ITGA8: variants seen among roughly 807,000 people sequenced by gnomAD.
The protein encoded by ITGA8 is integrin subunit alpha 8, also known as integrin alpha-8.
In ITGA8, 91 loss-of-function variants were observed where a neutral mutation model predicts 142.3. The ratio of observed to expected loss-of-function variants is 0.64; its 90% CI spans 0.54 to 0.76. The LOEUF is 0.76. Among genes scored for constraint, ITGA8 ranks in the 30% least tolerant of loss-of-function variants. The pLI, the probability that ITGA8 is intolerant of heterozygous loss-of-function variation, is 0.00. For synonymous variants in ITGA8, 505 were observed against 485.2 expected (o/e 1.04, Z -0.54); for missense variants, 1,406 against 1,327.7 (o/e 1.06, Z -0.92).
chr10:15,645,419 C>A (rs1833962903), intron 12 of ITGA8, among the ~76,000 whole-genome samples: 2 of 152,102 alleles, frequency 1.3e-5, no homozygotes, highest in Admixed American at 1.3e-4. Context: ...AACGACAGCT[C>A]CATAGATAAT....
intron 28 of ITGA8, among the ~76,000 whole-genome samples, chr10:15,529,222 C>T (rs1048680462): frequency 2.0e-5 from 3 of 152,196 alleles, no homozygotes; most frequent in Non-Finnish European, 4.4e-5. Context: ...TTAATTGTCA[C>T]TTTCAATTTG....
In ITGA8 at chr10:15,544,701, G is replaced by A. The variant is rs1194040019; in HGVS notation, c.2880+3754C>T. Among the ~76,000 whole-genome samples the A allele has an allele frequency of 2.0e-5, 3 of 152,240 alleles. No individual in the cohort carries two copies. In the East Asian group the frequency reaches 5.8e-4, roughly 29 times the overall value. ...TGGCCACCAGGGATTCTTCCCTCCT[G>A]GTATTCACACCCTTGTGTGGGTGCC... On this transcript the variant is annotated intron_variant, in intron 27 of 29. Transcript: ENST00000378076.
intron 27 of ITGA8, among the ~76,000 whole-genome samples, chr10:15,538,923 C>A (rs1238117311): frequency 5.5e-5 from 8 of 146,480 alleles, no homozygotes; most frequent in African/African-American, 1.8e-4. Flanking sequence ...AAAGACCCTT[C>A]AAGAAACCAC....
chr10:15,713,780 A>G (rs186454053), intron 2 of ITGA8, among the ~76,000 whole-genome samples: 1 of 152,312 alleles, frequency 6.6e-6, no homozygotes, highest in East Asian at 1.9e-4. Flanking sequence ...GTCTCCCGCA[A>G]TTCCAACAAA....
chr10:15,562,387 G>C (rs565345851), intron 25 of ITGA8, among the ~76,000 whole-genome samples: 1 of 152,304 alleles, frequency 6.6e-6, no homozygotes, highest in East Asian at 1.9e-4. Flanking sequence ...AAGCCAGGCT[G>C]TGGGACTGTG....
At chr10:15,592,424 AC>A (rs1189842546) in intron 21 of ITGA8, 120 bp from the exon 22 acceptor site, 2 of 723,878 alleles carry the variant, frequency 2.8e-6, no homozygotes, top group Non-Finnish European at 4.5e-6. Context: ...TTCTGCTTCT[AC>A]CCCAGGTGGC....
chr10:15,714,541 A>G (rs1019991102), intron 2 of ITGA8, among the ~76,000 whole-genome samples: 5 of 151,932 alleles, frequency 3.3e-5, no homozygotes, highest in Admixed American at 6.6e-5. Context: ...AAAATTATCT[A>G]CTCTTTGCAT....
chr10:15,652,462 T>TTC (rs397968145), intron 11 of ITGA8, among the ~76,000 whole-genome samples: 2 of 150,344 alleles, frequency 1.3e-5, no homozygotes, highest in Admixed American at 1.3e-4. Context: ...TTTTTTTTTT[T>TTC]CCCTGATGTT....
At chr10:15,520,875 G>A (rs1272112776) in intron 28 of ITGA8, among the ~76,000 whole-genome samples, 1 of 152,156 alleles carries the variant, frequency 6.6e-6, no homozygotes, top group Non-Finnish European at 1.5e-5. Context: ...TAACCCACCC[G>A]TCAGGAGAGG....
At chr10:15,537,174 C>T (rs921127928) in intron 27 of ITGA8, among the ~76,000 whole-genome samples, 1 of 152,282 alleles carries the variant, frequency 6.6e-6, no homozygotes, top group African/African-American at 2.4e-5. Flanking sequence ...CAAGTCATAT[C>T]CACCAAGAAT....
At chr10:15,710,596 G>A (rs773627887) in intron 2 of ITGA8, among the ~76,000 whole-genome samples, 5 of 152,226 alleles carry the variant, frequency 3.3e-5, no homozygotes, top group African/African-American at 7.2e-5. Context: ...GTGGCAACAC[G>A]TGTGTATGCA....
At chr10:15,532,052 G>A (rs1252198280) in intron 27 of ITGA8, among the ~76,000 whole-genome samples, 1 of 150,646 alleles carries the variant, frequency 6.6e-6, no homozygotes, top group East Asian at 2.0e-4. Context: ...GGGGTGGGGG[G>A]GCCTGTCCTC....
intron 2 of ITGA8, among the ~76,000 whole-genome samples, chr10:15,717,432 A>G (rs1405245493): frequency 6.6e-6 from 1 of 152,320 alleles, no homozygotes; most frequent in African/African-American, 2.4e-5. Flanking sequence ...GCTTATTCTT[A>G]AACTAGAGAG....
chr10:15,664,174 C>G (rs368626140), intron 8 of ITGA8, among the ~76,000 whole-genome samples: 89 of 152,236 alleles, frequency 5.8e-4, no homozygotes, highest in African/African-American at 2.1e-3. Context: ...TTTGGAGGCA[C>G]TAAGATGCTT....
chr10:15,706,314 C>G (rs1484623881), intron 2 of ITGA8, among the ~76,000 whole-genome samples: 1 of 152,162 alleles, frequency 6.6e-6, no homozygotes, highest in Non-Finnish European at 1.5e-5. Context: ...TTTCTCAGCT[C>G]TAACTGCTAC....
intron 23 of ITGA8, among the ~76,000 whole-genome samples, chr10:15,581,288 C>T (rs962108421): frequency 6.6e-6 from 1 of 152,172 alleles, no homozygotes; most frequent in African/African-American, 2.4e-5. Context: ...CTTGGGTGAG[C>T]TTCCCTGGTA....
intron 11 of ITGA8, among the ~76,000 whole-genome samples, chr10:15,647,911 T>C (rs986083936): frequency 2.6e-5 from 4 of 152,196 alleles, no homozygotes; most frequent in Non-Finnish European, 5.9e-5. Flanking sequence ...AAATAAAAAT[T>C]TGAATTCTTT....
chr10:15,603,509 T>C (rs1833140347), intron 20 of ITGA8, among the ~76,000 whole-genome samples: 1 of 152,362 alleles, frequency 6.6e-6, no homozygotes, highest in Middle Eastern at 3.4e-3. Context: ...ACTTTCTCTG[T>C]TATTCTACAA....
In ITGA8 at chr10:15,565,573, A is replaced by ATTTTTTTTTTTT. The variant is rs71374633; in HGVS notation, c.2637+6626_2637+6637dup. 1.9e-3 allele frequency among the ~76,000 whole-genome samples: 66 copies of ATTTTTTTTTTTT among 34,784 alleles called. 8 individuals carry two copies. Among genetic ancestry groups the ATTTTTTTTTTTT allele is most frequent in the East Asian group, 4.2e-3 (3 of 718 alleles). The allele number at this position is 34,784 out of a possible 152,430, so 22.8% of individuals were successfully genotyped here. A position where few individuals can be genotyped will look rare whatever the true frequency, so the allele number is the denominator to read the frequency against. On this transcript the variant is annotated intron_variant, in intron 25 of 29. Transcript: ENST00000378076. ...ATAATCTTCTTCCTTTCATGTCCTG[A>ATTTTTTTTTTTT]TTTTTTTTTTTTTTTTTTTTTTTTT...
Sources: gnomAD v4.1 joint callset for allele counts (sites outside exome capture counted in the v4.1 genomes callset) on GRCh38, gnomAD v4.1.1 for gene constraint, MANE v1.5 for transcripts, NCBI Gene and HGNC (gene_info 2026-07-23, HGNC 2026-07-21) for gene names.